ENPP6: variants seen among roughly 807,000 people sequenced by gnomAD.
ENPP6 encodes the protein glycerophosphocholine cholinephosphodiesterase ENPP6.
ENPP6 carries 32 observed loss-of-function variants against 42.0 expected under a neutral mutation model. That is an observed-to-expected ratio of 0.76 (90% CI 0.58 to 1.02). ENPP6 has a LOEUF of 1.02. Ranked by LOEUF, ENPP6 falls within the 50% of genes least tolerant of loss-of-function variation. The pLI, the probability that ENPP6 is intolerant of heterozygous loss-of-function variation, is 0.00. For synonymous variants in ENPP6, 213 were observed against 216.0 expected, an observed-to-expected ratio of 0.99 and a Z score of 0.12; for missense variants, 552 against 566.8, an observed-to-expected ratio of 0.97 and a Z score of 0.27.
chr4:184,129,449 A>G (rs1249179448), intron 2 of ENPP6, among the ~76,000 whole-genome samples: 3 of 152,196 alleles, frequency 2.0e-5, no homozygotes, highest in African/African-American at 7.2e-5. Context: ...CTTATGGATC[A>G]AGTGAACTCC....
At chr4:184,113,179 C>T (rs535419099) in intron 5 of ENPP6, among the ~76,000 whole-genome samples, 1 of 152,324 alleles carries the variant, frequency 6.6e-6, no homozygotes, top group East Asian at 1.9e-4. Context: ...CAATGGAATA[C>T]TCTACAGCAC....
chr4:184,210,122 C>T (rs1344244536), intron 1 of ENPP6, among the ~76,000 whole-genome samples: 1 of 151,500 alleles, frequency 6.6e-6, no homozygotes, highest in Non-Finnish European at 1.5e-5. Flanking sequence ...GTACCACCCG[C>T]TGCAAAATCA....
At chr4:184,217,224 C>T (rs1733211302) in intron 1 of ENPP6, among the ~76,000 whole-genome samples, 1 of 151,938 alleles carries the variant, frequency 6.6e-6, no homozygotes, top group South Asian at 2.1e-4. Flanking sequence ...GACACATGCA[C>T]GGACACCTGT....
At chr4:184,092,152 G>A (rs1490211545) in intron 7 of ENPP6, among the ~76,000 whole-genome samples, 2 of 151,828 alleles carry the variant, frequency 1.3e-5, no homozygotes, top group Non-Finnish European at 2.9e-5. Flanking sequence ...TGCAGAGGCC[G>A]CACGGCAACT....
At chr4:184,196,514 G>A (rs1732803312) in intron 1 of ENPP6, among the ~76,000 whole-genome samples, 2 of 152,214 alleles carry the variant, frequency 1.3e-5, no homozygotes, top group Admixed American at 1.3e-4. Flanking sequence ...CAGACAGTAA[G>A]TGGAAAAGGA....
At chr4:184,179,216 G>A (rs181524868) in intron 1 of ENPP6, among the ~76,000 whole-genome samples, 2 of 152,102 alleles carry the variant, frequency 1.3e-5, no homozygotes, top group Non-Finnish European at 2.9e-5. Context: ...AAAAAGCAGG[G>A]GTTGCAATCC....
At chr4:184,185,862 T>G (rs1445859473) in intron 1 of ENPP6, among the ~76,000 whole-genome samples, 6 of 152,262 alleles carry the variant, frequency 3.9e-5, no homozygotes, top group Non-Finnish European at 8.8e-5. Flanking sequence ...GGGATTCTTT[T>G]TTGGCCATTG....
At chr4:184,169,752 C>A (rs553567176) in intron 1 of ENPP6, among the ~76,000 whole-genome samples, 36 of 152,326 alleles carry the variant, frequency 2.4e-4, no homozygotes, top group Admixed American at 2.4e-3. Context: ...TCACCGGTGG[C>A]AAATCTCACA....
chr4:184,127,971 T>C (rs1447116529), intron 2 of ENPP6, among the ~76,000 whole-genome samples: 5 of 152,146 alleles, frequency 3.3e-5, no homozygotes, highest in African/African-American at 1.2e-4. Context: ...ATAGTCAATA[T>C]ATAATGTTTC....
chr4:184,095,627 T>A (rs1046026022), intron 7 of ENPP6, among the ~76,000 whole-genome samples: 4 of 150,664 alleles, frequency 2.7e-5, no homozygotes, highest in African/African-American at 9.8e-5. Flanking sequence ...ACCATTGCAC[T>A]CCAGACTGGG....
At chr4:184,147,555 AG>A (rs750823689) in intron 2 of ENPP6, among the ~76,000 whole-genome samples, 4 of 152,116 alleles carry the variant, frequency 2.6e-5, no homozygotes, top group Admixed American at 6.6e-5. Flanking sequence ...TTGAGGTAAG[AG>A]GATTGCTTGA....
intron 1 of ENPP6, among the ~76,000 whole-genome samples, chr4:184,208,441 C>A (rs572504455): frequency 1.3e-5 from 2 of 152,266 alleles, no homozygotes; most frequent in South Asian, 4.1e-4. Context: ...CACAAGGGGT[C>A]AGGGAGTTCC....
At chr4:184,110,214 G>T (rs1483062598) in intron 6 of ENPP6, among the ~76,000 whole-genome samples, 1 of 152,114 alleles carries the variant, frequency 6.6e-6, no homozygotes, top group Non-Finnish European at 1.5e-5. Context: ...CAGTCTACCT[G>T]ACTCCTGGCC....
intron 6 of ENPP6, among the ~76,000 whole-genome samples, chr4:184,101,068 G>A (rs1417283648): frequency 3.9e-5 from 6 of 152,140 alleles, no homozygotes; most frequent in Non-Finnish European, 8.8e-5. Flanking sequence ...GGGGACACAG[G>A]AGGAGGCCGA....
Position 184,162,783 on chromosome 4 carries a change from G to A in ENPP6, c.242-9050C>T, listed in dbSNP as rs543496622. Reference sequence around the variant, plus strand: ...ATGCGGGGCTAGCACAATTCGAGATGGTCACAGCTGGACTCACTCAAGGCC... The same window carrying A: ...ATGCGGGGCTAGCACAATTCGAGATAGTCACAGCTGGACTCACTCAAGGCC... On this transcript the variant is annotated intron_variant, in intron 1 of 7. Transcript: ENST00000296741. Among the ~76,000 whole-genome samples the A allele has an allele frequency of 7.9e-5, 12 of 152,286 alleles. No homozygotes were observed. In the East Asian group the frequency reaches 1.7e-3, roughly 22 times the overall value.
chr4:184,159,698 G>T (rs1560996548), intron 1 of ENPP6, among the ~76,000 whole-genome samples: 1 of 151,900 alleles, frequency 6.6e-6, no homozygotes, highest in African/African-American at 2.4e-5. Context: ...GTGGTTTTTG[G>T]TTGTGTGGAT....
chr4:184,166,116 G>A (rs1185094445), intron 1 of ENPP6, among the ~76,000 whole-genome samples: 1 of 152,114 alleles, frequency 6.6e-6, no homozygotes, highest in Non-Finnish European at 1.5e-5. Context: ...TGTGTTCAAA[G>A]ACACACTTTG....
At chr4:184,118,715 T>G (rs1456585227) in intron 3 of ENPP6, among the ~76,000 whole-genome samples, 1 of 152,250 alleles carries the variant, frequency 6.6e-6, no homozygotes, top group Non-Finnish European at 1.5e-5. Context: ...CCAGCTGTTT[T>G]CCACAGGGAT....
intron 6 of ENPP6, among the ~76,000 whole-genome samples, chr4:184,099,437 G>A (rs1015030203): frequency 1.3e-5 from 2 of 152,186 alleles, no homozygotes; most frequent in African/African-American, 4.8e-5. Flanking sequence ...AGGGTCTGTG[G>A]GGGATGTCAT....
Sources: allele counts gnomAD v4.1 joint callset (sites outside exome capture counted in the v4.1 genomes callset), GRCh38; gene constraint gnomAD v4.1.1; transcripts MANE v1.5; gene names NCBI Gene and HGNC (gene_info 2026-07-23, HGNC 2026-07-21).